Variants in DLG2 observed in about 807,000 individuals in gnomAD.
DLG2 encodes discs large MAGUK scaffold protein 2, also known as disks large homolog 2.
Under a neutral mutation model 132.5 loss-of-function variants are expected in DLG2, and 45 were observed. The observed-to-expected ratio is 0.34, with a 90% CI of 0.27 to 0.44. The LOEUF is 0.44. Among genes scored for constraint, DLG2 ranks in the 20% least tolerant of loss-of-function variants. DLG2 has a pLI of 1.00. For missense variants in DLG2, 1,045 were observed against 1,196.9 expected (o/e 0.87, Z 1.87); for synonymous variants, 424 against 419.6 (o/e 1.01, Z -0.13).
intron 6 of DLG2, among the ~76,000 whole-genome samples, chr11:84,966,458 G>A (rs1455228491): frequency 1.3e-5 from 2 of 151,992 alleles, no homozygotes; most frequent in African/African-American, 4.8e-5. Flanking sequence ...TCCTGAGAGG[G>A]AAAAACATGA....
intron 11 of DLG2, among the ~76,000 whole-genome samples, chr11:83,988,325 G>T (rs1369706596): frequency 2.6e-5 from 4 of 152,014 alleles, no homozygotes; most frequent in African/African-American, 9.7e-5. Flanking sequence ...ATAAGGAAGG[G>T]ATCCAGCTTC....
chr11:84,255,010 G>C (rs112372144), intron 7 of DLG2, among the ~76,000 whole-genome samples: 1 of 152,140 alleles, frequency 6.6e-6, no homozygotes, highest in Admixed American at 6.5e-5. Context: ...CCACTGTGCT[G>C]CTACACCAGG....
intron 7 of DLG2, among the ~76,000 whole-genome samples, chr11:84,417,180 G>A (rs965061759): frequency 7.9e-5 from 12 of 152,098 alleles, no homozygotes; most frequent in African/African-American, 2.4e-4. Context: ...GTGGTTTAGC[G>A]GAAACACTGA....
chr11:83,896,332 G>T (rs1453857357), intron 15 of DLG2, among the ~76,000 whole-genome samples: 1 of 152,206 alleles, frequency 6.6e-6, no homozygotes, highest in African/African-American at 2.4e-5. Flanking sequence ...GCCATGGCAG[G>T]ACATTATAGG....
intron 7 of DLG2, among the ~76,000 whole-genome samples, chr11:84,326,555 C>A (rs1237207191): frequency 7.2e-5 from 11 of 152,046 alleles, no homozygotes. Context: ...CCATTAATTT[C>A]TAGTTTTATT....
intron 9 of DLG2, among the ~76,000 whole-genome samples, chr11:84,112,014 T>C (rs945584783): frequency 2.6e-5 from 4 of 152,064 alleles, no homozygotes; most frequent in Non-Finnish European, 4.4e-5. Flanking sequence ...CACTTTTTTT[T>C]CCCTTTTTCC....
intron 6 of DLG2, among the ~76,000 whole-genome samples, chr11:85,047,448 A>T (rs1240072179): frequency 6.6e-6 from 1 of 151,998 alleles, no homozygotes; most frequent in Admixed American, 6.6e-5. Flanking sequence ...CTAAACAATG[A>T]TCAATTTGAC....
chr11:84,993,654 G>C (rs1320411975), intron 6 of DLG2, among the ~76,000 whole-genome samples: 3 of 150,300 alleles, frequency 2.0e-5, no homozygotes, highest in African/African-American at 7.4e-5. Flanking sequence ...CCTGTAAATG[G>C]TGTTTGCTTT....
At chr11:83,589,340 A>G (rs1202595183) in intron 19 of DLG2, among the ~76,000 whole-genome samples, 2 of 146,794 alleles carry the variant, frequency 1.4e-5, no homozygotes, top group East Asian at 4.1e-4. Flanking sequence ...AATATTCAAC[A>G]TTCTTAAAGA....
intron 7 of DLG2, among the ~76,000 whole-genome samples, chr11:84,494,549 G>C (rs1460341717): frequency 6.6e-6 from 1 of 152,162 alleles, no homozygotes; most frequent in Non-Finnish European, 1.5e-5. Flanking sequence ...ACTATGTCAG[G>C]TAGTGGGCTG....
In DLG2 at chr11:83,980,545, T is replaced by C; in HGVS notation, c.1017A>G (p.Gln339=). 1.2e-6 allele frequency: 2 copies of C among 1,613,848 alleles called. No individual in the cohort carries two copies. The highest frequency in any genetic ancestry group is 1.7e-6 in the Non-Finnish European group (2 of 1,179,868). ...VTKIIDGGAA[Q]KDGRLQVGDR... ...CTCCTACTTGCAACCTTCCATCTTT[T>C]TGTGCAGCTCCTCCATCTATAATTT... Residue 339 remains glutamine, a synonymous_variant, in exon 12 of 28, where the codon CAA becomes CAG. Transcript: ENST00000376104.
intron 18 of DLG2, among the ~76,000 whole-genome samples, chr11:83,746,436 A>G (rs1223341454): frequency 6.6e-6 from 1 of 152,178 alleles, no homozygotes; most frequent in Non-Finnish European, 1.5e-5. Context: ...AGGGACATGG[A>G]TGAAGCTGGA....
At chr11:85,157,077 G>C (rs997068708) in intron 4 of DLG2, among the ~76,000 whole-genome samples, 1 of 152,094 alleles carries the variant, frequency 6.6e-6, no homozygotes, top group African/African-American at 2.4e-5. Context: ...TATAAAGCAG[G>C]CAGAAAAACA....
chr11:83,581,012 A>C (rs2096965979), intron 19 of DLG2, among the ~76,000 whole-genome samples: 2 of 150,040 alleles, frequency 1.3e-5, no homozygotes, highest in African/African-American at 4.9e-5. Context: ...CTTGTAGCAG[A>C]AAGTTCAACA....
At chr11:83,652,031 A>G in intron 18 of DLG2, 1 of 301,508 alleles carries the variant, frequency 3.3e-6, no homozygotes, top group South Asian at 3.0e-5. Flanking sequence ...TTGAATTCAC[A>G]GCAGAAAAGA....
At chr11:85,587,961 G>C (rs1483291180) in intron 3 of DLG2, among the ~76,000 whole-genome samples, 1 of 152,140 alleles carries the variant, frequency 6.6e-6, no homozygotes, top group Non-Finnish European at 1.5e-5. Context: ...ATGAAGCTCA[G>C]TTTTGCTGGA....
intron 7 of DLG2, among the ~76,000 whole-genome samples, chr11:84,362,826 A>G (rs2098657868): frequency 6.6e-6 from 1 of 152,182 alleles, no homozygotes; most frequent in South Asian, 2.1e-4. Flanking sequence ...ATGCCCCTAC[A>G]AAGGACATGA....
intron 3 of DLG2, among the ~76,000 whole-genome samples, chr11:85,382,177 A>C (rs1397476027): frequency 1.3e-5 from 2 of 152,152 alleles, no homozygotes; most frequent in Admixed American, 1.3e-4. Flanking sequence ...AAAGTCACAC[A>C]GATTAATGGA....
intron 3 of DLG2, among the ~76,000 whole-genome samples, chr11:85,438,325 A>C (rs779001994): frequency 1.3e-5 from 2 of 152,182 alleles, no homozygotes; most frequent in African/African-American, 2.4e-5. Flanking sequence ...TATCCAAACT[A>C]TATAAAATAC....
Sources: allele counts gnomAD v4.1 joint callset (sites outside exome capture counted in the v4.1 genomes callset), GRCh38; gene constraint gnomAD v4.1.1; transcripts MANE v1.5; gene names NCBI Gene and HGNC (gene_info 2026-07-23, HGNC 2026-07-21).